The following GRID1 variants were observed in gnomAD, a reference collection of about 807,000 sequenced individuals.
GRID1 encodes the protein glutamate receptor ionotropic, delta-1.
GRID1 carries 28 observed loss-of-function variants against 98.0 expected under a neutral mutation model. That is an observed-to-expected ratio of 0.29 (90% CI 0.21 to 0.39). The LOEUF (loss-of-function observed/expected upper bound fraction) is 0.39, where lower values mean the gene tolerates loss of function less well. Ranked by LOEUF, GRID1 falls within the 10% of genes least tolerant of loss-of-function variation. The pLI is 1.00. For missense variants in GRID1, 1,111 were observed against 1,340.5 expected (o/e 0.83, Z 2.67); for synonymous variants, 553 against 538.5 (o/e 1.03, Z -0.37).
chr10:86,226,305 G>A (rs974903133), intron 2 of GRID1, among the ~76,000 whole-genome samples: 2 of 146,834 alleles, frequency 1.4e-5, no homozygotes, highest in African/African-American at 2.6e-5. Flanking sequence ...GCAGTGGTCA[G>A]AGCCCACCCC....
chr10:86,357,413 A>G (rs889543687), intron 2 of GRID1, among the ~76,000 whole-genome samples: 1 of 152,238 alleles, frequency 6.6e-6, no homozygotes, highest in African/African-American at 2.4e-5. Context: ...GGCATAAGGT[A>G]TCCATCTGCT....
intron 8 of GRID1, among the ~76,000 whole-genome samples, chr10:85,767,016 T>C (rs1842204467): frequency 6.6e-6 from 1 of 152,134 alleles, no homozygotes; most frequent in Admixed American, 6.5e-5. Flanking sequence ...CATGCCCCTC[T>C]TGTTTCCTGT....
At chr10:85,761,419 G>A (rs1024676374) in intron 8 of GRID1, among the ~76,000 whole-genome samples, 37 of 152,168 alleles carry the variant, frequency 2.4e-4, no homozygotes, top group African/African-American at 8.7e-4. Context: ...AGTATTTACT[G>A]AGCCCTTTCT....
At position 86,366,416 on chromosome 10, in the gene GRID1, C is replaced by CCCCGGGCG. The variant is rs1337261156; in HGVS notation, c.-25_-24insCGCCCGGG. ...ATGTCCCCCGGGCGCGCGGCTCATC[C>CCCCGGGCG]ACCCGGGCCCGGGGCGAGGCCGAGG... On this transcript the variant is annotated 5_prime_UTR_variant, in exon 1 of 16. Coordinates refer to ENST00000327946, the MANE Select transcript of GRID1 (RefSeq NM_017551.3). This position sits in a 1 kb window ranked among gnomAD's most constrained non-coding sequence, Gnocchi z 4.1. 9 of 1,474,482 alleles carry CCCCGGGCG rather than the reference C, an allele frequency of 6.1e-6. No individual in the cohort carries two copies. The highest frequency in any genetic ancestry group is 8.1e-6 in the Non-Finnish European group (9 of 1,106,960). 91.3% of individuals were successfully genotyped at this position (1,474,482 alleles called of 1,614,324 possible).
At chr10:86,296,177 G>A (rs912233940) in intron 2 of GRID1, among the ~76,000 whole-genome samples, 1 of 152,222 alleles carries the variant, frequency 6.6e-6, no homozygotes, top group Non-Finnish European at 1.5e-5. Context: ...CTCAGTCCCA[G>A]TGGCTCACCG....
chr10:85,616,213 A>G (rs915195375), intron 14 of GRID1, among the ~76,000 whole-genome samples: 30 of 152,200 alleles, frequency 2.0e-4, no homozygotes, highest in Admixed American at 1.5e-3. Flanking sequence ...ATCATATTAC[A>G]CTGTTTGAAT....
At chr10:85,806,146 A>T (rs1483130457) in intron 8 of GRID1, among the ~76,000 whole-genome samples, 5 of 152,066 alleles carry the variant, frequency 3.3e-5, no homozygotes, top group Admixed American at 2.6e-4. Flanking sequence ...AATGTTTTAA[A>T]TGGGCAAAAG....
At chr10:86,128,621 G>A (rs548406452) in intron 4 of GRID1, among the ~76,000 whole-genome samples, 1 of 152,120 alleles carries the variant, frequency 6.6e-6, no homozygotes, top group African/African-American at 2.4e-5. Context: ...CACACGCCTG[G>A]TAACGGCCCA....
intron 13 of GRID1, among the ~76,000 whole-genome samples, chr10:85,635,563 A>G (rs552382344): frequency 2.0e-5 from 3 of 152,360 alleles, no homozygotes; most frequent in African/African-American, 7.2e-5. Flanking sequence ...TGAAAGGTTA[A>G]GAGACATTGA....
chr10:85,999,583 A>C (rs1211366785), intron 4 of GRID1, among the ~76,000 whole-genome samples: 1 of 152,216 alleles, frequency 6.6e-6, no homozygotes, highest in Non-Finnish European at 1.5e-5. Context: ...ACTATTAGCA[A>C]ATTGAATCTA....
At chr10:85,896,924 G>A (rs1159729940) in intron 5 of GRID1, among the ~76,000 whole-genome samples, 1 of 152,146 alleles carries the variant, frequency 6.6e-6, no homozygotes, top group Non-Finnish European at 1.5e-5. Context: ...CAACAAAGGA[G>A]AAGATTTGCA....
In GRID1 at chr10:86,072,826, C is replaced by T. The variant is rs139417109; in HGVS notation, c.726+65993G>A. Among the ~76,000 whole-genome samples, 762 of 152,368 alleles carry T rather than the reference C, an allele frequency of 5.0e-3. 4 individuals are homozygous for T. Among genetic ancestry groups the T allele is most frequent in the African/African-American group, 0.017 (722 of 41,592 alleles). On this transcript the variant is annotated intron_variant, in intron 4 of 15. Transcript: ENST00000327946. ...TTTACTTGTCCTCACTGCACACACACTGCTGCAGTCTAGGAAAGGCGCAGG... is the reference window on the plus strand; with the variant it reads ...TTTACTTGTCCTCACTGCACACACATTGCTGCAGTCTAGGAAAGGCGCAGG...
chr10:85,604,542 C>T (rs886986307), intron 15 of GRID1, among the ~76,000 whole-genome samples: 1 of 152,162 alleles, frequency 6.6e-6, no homozygotes, highest in Non-Finnish European at 1.5e-5. Flanking sequence ...TTAGGGTCAC[C>T]TCTGCATGGC....
At chr10:86,315,933 T>C (rs1451624937) in intron 2 of GRID1, among the ~76,000 whole-genome samples, 1 of 151,936 alleles carries the variant, frequency 6.6e-6, no homozygotes. Flanking sequence ...CATCTATCCA[T>C]CCATCCATTT....
chr10:85,676,266 G>A (rs1260324249), intron 12 of GRID1, among the ~76,000 whole-genome samples: 2 of 152,070 alleles, frequency 1.3e-5, no homozygotes, highest in Non-Finnish European at 2.9e-5. Context: ...CTCCCCTGGA[G>A]ATGACCCCCA....
chr10:85,894,523 G>A (rs1467737807), intron 5 of GRID1, among the ~76,000 whole-genome samples: 3 of 152,108 alleles, frequency 2.0e-5, no homozygotes, highest in Non-Finnish European at 4.4e-5. Flanking sequence ...AAATTTTTGT[G>A]GGTTATGCAA....
chr10:85,803,490 T>C (rs1842595685), intron 8 of GRID1, among the ~76,000 whole-genome samples: 1 of 152,064 alleles, frequency 6.6e-6, no homozygotes, highest in African/African-American at 2.4e-5. Context: ...AGATTAACTA[T>C]TGTTTTTCTA....
chr10:86,042,936 T>A (rs1285434476), intron 4 of GRID1, among the ~76,000 whole-genome samples: 1 of 151,770 alleles, frequency 6.6e-6, no homozygotes, highest in Non-Finnish European at 1.5e-5. Context: ...AAAGTAAAAA[T>A]TAGCTGGGCA....
chr10:85,614,908 A>G (rs1385186231), intron 14 of GRID1, among the ~76,000 whole-genome samples: 2 of 152,130 alleles, frequency 1.3e-5, no homozygotes, highest in Non-Finnish European at 2.9e-5. Context: ...GACCCCAAAC[A>G]CCCAAGCTTT....
Sources: gnomAD v4.1 joint callset for allele counts (sites outside exome capture counted in the v4.1 genomes callset) on GRCh38, gnomAD v4.1.1 for gene constraint, Gnocchi (gnomAD v3.1) non-coding constraint, MANE v1.5 for transcripts, NCBI Gene and HGNC (gene_info 2026-07-23, HGNC 2026-07-21) for gene names.